Variants in MEGF11 observed in about 807,000 individuals in gnomAD.
The protein encoded by MEGF11 is multiple epidermal growth factor-like domains protein 11.
Under a neutral mutation model 146.6 loss-of-function variants are expected in MEGF11, and 126 were observed. That is an observed-to-expected ratio of 0.86 (90% confidence interval 0.74 to 1.00). The LOEUF is 1.00. Among genes scored for constraint, MEGF11 ranks in the 50% least tolerant of loss-of-function variants. MEGF11 has a pLI of 0.00. For synonymous variants in MEGF11, 532 were observed against 583.4 expected (o/e 0.91, Z 1.27); for missense variants, 1,509 against 1,521.2 (o/e 0.99, Z 0.13).
chr15:66,215,513 T>C (rs973251033), intron 1 of MEGF11, among the ~76,000 whole-genome samples: 2 of 152,228 alleles, frequency 1.3e-5, no homozygotes, highest in Non-Finnish European at 2.9e-5. Flanking sequence ...ATAGTCTTGA[T>C]GCAGAAATTG....
intron 1 of MEGF11, among the ~76,000 whole-genome samples, chr15:66,189,801 C>T (rs2090820584): frequency 6.6e-6 from 1 of 151,412 alleles, no homozygotes; most frequent in Admixed American, 6.6e-5. Flanking sequence ...ATAATGGGGC[C>T]TTAGAGTTCC....
intron 4 of MEGF11, among the ~76,000 whole-genome samples, chr15:66,111,706 A>C (rs547231762): frequency 1.3e-5 from 2 of 152,318 alleles, no homozygotes; most frequent in East Asian, 3.9e-4. Flanking sequence ...TTCTGGATGG[A>C]GAAAAAAAGT....
intron 1 of MEGF11, among the ~76,000 whole-genome samples, chr15:66,200,511 C>T (rs74704414): frequency 0.023 from 3,549 of 152,218 alleles, 49 homozygotes; most frequent in Non-Finnish European, 0.037. Flanking sequence ...GTTATTTTCT[C>T]TAGTAATTCA....
chr15:66,041,983 A>G (rs1463730488), intron 5 of MEGF11, among the ~76,000 whole-genome samples: 1 of 152,198 alleles, frequency 6.6e-6, no homozygotes, highest in Non-Finnish European at 1.5e-5. Flanking sequence ...TTTTCTGATC[A>G]TAAGGGTTCA....
chr15:66,068,895 C>T (rs757288615), intron 5 of MEGF11, among the ~76,000 whole-genome samples: 1 of 152,208 alleles, frequency 6.6e-6, no homozygotes, highest in Non-Finnish European at 1.5e-5. Context: ...ACAGTGTCTG[C>T]CTGCTCTTGG....
At chr15:66,219,271 ACT>A (rs2091671141) in intron 1 of MEGF11, among the ~76,000 whole-genome samples, 1 of 152,088 alleles carries the variant, frequency 6.6e-6, no homozygotes, top group African/African-American at 2.4e-5. Context: ...ATGAAAAGAC[ACT>A]CTACAGAGCG....
chr15:66,128,452 C>G, intron 1 of MEGF11, 41 bp from the exon 2 acceptor site: 1 of 1,239,354 alleles, frequency 8.1e-7, no homozygotes, highest in South Asian at 2.0e-5. Flanking sequence ...GTGATCAGAC[C>G]ATGTTCCTGG....
At chr15:66,130,121 G>A (rs543012055) in intron 1 of MEGF11, among the ~76,000 whole-genome samples, 121 of 152,280 alleles carry the variant, frequency 7.9e-4, no homozygotes, top group African/African-American at 2.7e-3. Flanking sequence ...TGCCAGGGCT[G>A]CAGAGGAGCT....
intron 5 of MEGF11, among the ~76,000 whole-genome samples, chr15:66,058,005 T>C (rs945999947): frequency 1.3e-5 from 2 of 152,206 alleles, no homozygotes; most frequent in African/African-American, 4.8e-5. Flanking sequence ...AGAAATGACA[T>C]GGGGAACAAA....
intron 1 of MEGF11, among the ~76,000 whole-genome samples, chr15:66,137,873 T>G (rs1056784382): frequency 5.3e-5 from 8 of 152,018 alleles, no homozygotes; most frequent in Non-Finnish European, 8.8e-5. Flanking sequence ...CTATATATTT[T>G]CAGTATGAGC....
intron 1 of MEGF11, among the ~76,000 whole-genome samples, chr15:66,235,978 AGT>A (rs2092082461): frequency 6.6e-6 from 1 of 152,128 alleles, no homozygotes; most frequent in African/African-American, 2.4e-5. Context: ...TACAGTGTTG[AGT>A]GTATTTGACT....
intron 1 of MEGF11, among the ~76,000 whole-genome samples, chr15:66,247,639 G>C (rs2092313464): frequency 6.6e-6 from 1 of 152,132 alleles, no homozygotes; most frequent in African/African-American, 2.4e-5. Flanking sequence ...TACTCAGGAG[G>C]CTGAAACAGG....
At chr15:66,232,440 G>A (rs2091987253) in intron 1 of MEGF11, among the ~76,000 whole-genome samples, 1 of 152,128 alleles carries the variant, frequency 6.6e-6, no homozygotes, top group Non-Finnish European at 1.5e-5. Flanking sequence ...TCCCCGGGGA[G>A]CTCTGGACAG....
intron 15 of MEGF11, 81 bp from the exon 16 acceptor site, chr15:65,918,175 TCC>T (rs1167379116): frequency 1.9e-6 from 3 of 1,572,108 alleles, no homozygotes; most frequent in Admixed American, 1.7e-5. Flanking sequence ...CCCTAGAAGT[TCC>T]CAAGCCACAG....
chr15:66,080,724 C>T (rs2085812780), intron 5 of MEGF11, among the ~76,000 whole-genome samples: 1 of 152,224 alleles, frequency 6.6e-6, no homozygotes, highest in African/African-American at 2.4e-5. Flanking sequence ...ATAGCAGCTC[C>T]TCTTACTCAT....
At chr15:65,918,655 T>C (rs1480143594) in intron 15 of MEGF11, among the ~76,000 whole-genome samples, 1 of 152,238 alleles carries the variant, frequency 6.6e-6, no homozygotes, top group African/African-American at 2.4e-5. Context: ...CAGCTCAACA[T>C]CTTCCTCAAG....
At chr15:65,928,372 C>A in intron 13 of MEGF11, 53 bp downstream of exon 13, 1 of 1,284,442 alleles carries the variant, frequency 7.8e-7, no homozygotes, top group Non-Finnish European at 1.1e-6. Flanking sequence ...AAGTAGGATA[C>A]CAAGAACCCA....
intron 1 of MEGF11, among the ~76,000 whole-genome samples, chr15:66,184,779 A>C: frequency 6.7e-6 from 1 of 149,104 alleles, no homozygotes; most frequent in Non-Finnish European, 1.5e-5. Context: ...TCTCTCTGTA[A>C]CTCCCACCCC....
intron 4 of MEGF11, 106 bp downstream of exon 4, chr15:66,118,980 T>C (rs895925897): frequency 9.5e-6 from 7 of 734,684 alleles, no homozygotes; most frequent in Admixed American, 7.2e-5. Context: ...GGCTGAGGAC[T>C]GCTGCCTAGG....
Sources: allele counts gnomAD v4.1 joint callset (sites outside exome capture counted in the v4.1 genomes callset), GRCh38; gene constraint gnomAD v4.1.1; transcripts MANE v1.5; gene names NCBI Gene and HGNC (gene_info 2026-07-23, HGNC 2026-07-21).